The following OTOGL variants were observed in gnomAD, a reference collection of about 807,000 sequenced individuals.
OTOGL encodes otogelin-like protein.
In OTOGL, 285 loss-of-function variants were observed where a neutral mutation model predicts 318.5. The ratio of observed to expected loss-of-function variants is 0.89; its 90% CI spans 0.81 to 0.99. OTOGL has a LOEUF of 0.99. Ranked by LOEUF, OTOGL falls within the 50% of genes least tolerant of loss-of-function variation. The pLI, the probability that OTOGL is intolerant of heterozygous loss-of-function variation, is 0.00. For synonymous variants in OTOGL, 987 were observed against 936.5 expected (o/e 1.05, Z -0.99); for missense variants, 2,899 against 2,845.6 (o/e 1.02, Z -0.43).
intron 1 of OTOGL, among the ~76,000 whole-genome samples, chr12:80,208,716 A>C (rs776624891): frequency 6.6e-6 from 1 of 152,178 alleles, no homozygotes; most frequent in African/African-American, 2.4e-5. Flanking sequence ...TGTGAAGGGA[A>C]AGTTTTCAGG....
Position 80,211,945 on chromosome 12 carries a change from C to T in OTOGL, c.120-4C>T. ...CTGTACAAGTTCTTTTTGTTTTCTT[C>T]CAGAAACGGGTTTAATGAAAATCGA... On this transcript the variant is annotated splice_region_variant and splice_polypyrimidine_tract_variant and intron_variant, in intron 3 of 58. Coordinates refer to ENST00000547103, the MANE Select transcript of OTOGL (RefSeq NM_001378609.3). 1 of 1,562,870 alleles carries T rather than the reference C, an allele frequency of 6.4e-7. No individual in the cohort carries two copies. Among genetic ancestry groups the T allele is most frequent in the African/African-American group, 1.3e-5 (1 of 74,320 alleles).
At chr12:80,149,030 G>A (rs961371950) in intron 1 of OTOGL, among the ~76,000 whole-genome samples, 73 of 152,066 alleles carry the variant, frequency 4.8e-4, no homozygotes, top group African/African-American at 6.5e-4. Flanking sequence ...TAATTTGATC[G>A]TCTGAAGCCT....
chr12:80,328,796 G>GT lies in OTOGL; in HGVS notation c.4279+58dup, dbSNP rs917304704. ...TCTGAAAAATTATACGCTTGCATAT[G>GT]TTTTTTCCGAGGCAAGTGGTTGTAA... On this transcript the variant is annotated intron_variant, in intron 36 of 58. Coordinates refer to ENST00000547103, the MANE Select transcript of OTOGL (RefSeq NM_001378609.3). The GT allele has an allele frequency of 1.2e-5, 18 of 1,479,718 alleles. No homozygotes were observed. The East Asian group carries it at 1.6e-4, about 13-fold the overall frequency. 91.7% of individuals were successfully genotyped at this position (1,479,718 alleles called of 1,614,324 possible).
intron 11 of OTOGL, among the ~76,000 whole-genome samples, chr12:80,244,460 G>T (rs1313009055): frequency 8.0e-5 from 12 of 149,912 alleles, no homozygotes; most frequent in Admixed American, 3.3e-4. Flanking sequence ...TGAGAATGAT[G>T]ATTTCCAATT....
chr12:80,283,228 A>G lies in OTOGL; in HGVS notation c.2928+4062A>G, dbSNP rs1473152051. On this transcript the variant is annotated intron_variant, in intron 26 of 58. Coordinates refer to ENST00000547103, the MANE Select transcript of OTOGL (RefSeq NM_001378609.3). ...CTTTCTATTTATCTTTCTGAGACTCATATTGTTATCATGTAATTGCTTCTT... is the reference window on the plus strand; with the variant it reads ...CTTTCTATTTATCTTTCTGAGACTCGTATTGTTATCATGTAATTGCTTCTT... Among the ~76,000 whole-genome samples, 5 of 151,982 alleles carry G rather than the reference A, an allele frequency of 3.3e-5. No homozygotes were observed. The East Asian group carries it at 9.6e-4, about 29-fold the overall frequency.
chr12:80,359,401 T>C (rs73360847), intron 52 of OTOGL, among the ~76,000 whole-genome samples: 14,408 of 152,232 alleles, frequency 0.095, 1,394 homozygotes, highest in African/African-American at 0.24. Context: ...CTTAAATGTA[T>C]CCCGTGGTAC....
intron 25 of OTOGL, among the ~76,000 whole-genome samples, 165 bp from the exon 26 acceptor site, chr12:80,278,863 C>G (rs957907709): frequency 2.0e-5 from 3 of 151,444 alleles, no homozygotes; most frequent in Admixed American, 1.3e-4. Context: ...AAACGTATGC[C>G]TAATTTGTCA....
chr12:80,346,269 T>C (rs1426098501), intron 44 of OTOGL, among the ~76,000 whole-genome samples: 3 of 152,184 alleles, frequency 2.0e-5, no homozygotes, highest in Non-Finnish European at 4.4e-5. Flanking sequence ...TTTGAGTTTA[T>C]AGTGACTTCT....
intron 8 of OTOGL, among the ~76,000 whole-genome samples, chr12:80,229,827 G>A (rs1182265991): frequency 6.6e-6 from 1 of 152,034 alleles, no homozygotes; most frequent in Non-Finnish European, 1.5e-5. Context: ...GTGTGAATGG[G>A]TTTTGGGTGT....
chr12:80,294,628 G>T (rs1237510514), intron 26 of OTOGL, among the ~76,000 whole-genome samples: 1 of 152,054 alleles, frequency 6.6e-6, no homozygotes, highest in African/African-American at 2.4e-5. Flanking sequence ...GTTACAGAGG[G>T]ATATATTAAT....
chr12:80,192,471 T>C (rs1024623712), intron 1 of OTOGL, among the ~76,000 whole-genome samples: 1 of 152,214 alleles, frequency 6.6e-6, no homozygotes, highest in East Asian at 1.9e-4. Flanking sequence ...TCACAGAAGT[T>C]TGTGGGAAAA....
chr12:80,318,557 G>T lies in OTOGL; in HGVS notation c.3646G>T (p.Gly1216Ter). Residue 1216 changes from glycine (G) to a stop codon, truncating the protein, a stop_gained, in exon 33 of 59, where the codon GGA becomes TGA. Transcript: ENST00000547103. LOFTEE classifies it high-confidence loss of function. ...CEYYNEGLGE[G>*]PYMLASYGQS... The stretch of plus-strand genomic sequence containing the variant: ...TTATATTTAACTAGGACTTGGAGAA[G>T]GACCATATATGCTGGCAAGCTATGG... The T allele has an allele frequency of 7.5e-7, 1 of 1,325,612 alleles. No homozygotes were observed. Among genetic ancestry groups the T allele is most frequent in the Non-Finnish European group, 9.7e-7 (1 of 1,029,184 alleles). The allele number at this position is 1,325,612 out of a possible 1,614,324, so 82.1% of individuals were successfully genotyped here.
chr12:80,307,430 C>CG (rs1221621017), intron 29 of OTOGL, among the ~76,000 whole-genome samples: 4 of 148,294 alleles, frequency 2.7e-5, no homozygotes, highest in Admixed American at 6.6e-5. Flanking sequence ...GCTGGCCAGA[C>CG]GGGGGGCTGA....
intron 1 of OTOGL, among the ~76,000 whole-genome samples, chr12:80,125,111 G>C (rs1193747931): frequency 6.6e-6 from 1 of 152,230 alleles, no homozygotes; most frequent in African/African-American, 2.4e-5. Context: ...TCCCTGTCTT[G>C]TGCTGGTTTT....
At chr12:80,225,592 C>T (rs774641750) in intron 7 of OTOGL, among the ~76,000 whole-genome samples, 10 of 152,048 alleles carry the variant, frequency 6.6e-5, no homozygotes, top group Non-Finnish European at 1.0e-4. Flanking sequence ...ACAGCTTCAC[C>T]TATTTCCTTC....
At chr12:80,332,046 G>C (rs1888105358) in intron 37 of OTOGL, among the ~76,000 whole-genome samples, 1 of 152,178 alleles carries the variant, frequency 6.6e-6, no homozygotes. Context: ...AGCTGGAAGA[G>C]ACCAGGAAAC....
intron 35 of OTOGL, among the ~76,000 whole-genome samples, chr12:80,326,623 C>CT (rs1169690122): frequency 6.6e-6 from 1 of 152,110 alleles, no homozygotes; most frequent in Non-Finnish European, 1.5e-5. Flanking sequence ...AGTAACTTTC[C>CT]TTTTTCTTTT....
intron 1 of OTOGL, among the ~76,000 whole-genome samples, chr12:80,183,089 A>G (rs1022175959): frequency 1.3e-5 from 2 of 152,218 alleles, no homozygotes; most frequent in South Asian, 4.1e-4. Flanking sequence ...AAAAATATAT[A>G]ATGCTTACAA....
intron 1 of OTOGL, among the ~76,000 whole-genome samples, chr12:80,195,192 A>C (rs1875972137): frequency 6.6e-6 from 1 of 152,218 alleles, no homozygotes; most frequent in Non-Finnish European, 1.5e-5. Context: ...ATATGTCAAC[A>C]ATGAAATCTA....
Sources: allele counts gnomAD v4.1 joint callset (sites outside exome capture counted in the v4.1 genomes callset), GRCh38; gene constraint gnomAD v4.1.1; transcripts MANE v1.5; gene names NCBI Gene and HGNC (gene_info 2026-07-23, HGNC 2026-07-21).